TBXAS1: variants seen among roughly 807,000 people sequenced by gnomAD.
TBXAS1 encodes the protein thromboxane A synthase 1.
A neutral mutation model predicts 60.7 loss-of-function variants in TBXAS1; 48 were observed. The observed-to-expected ratio is 0.79, with a 90% CI of 0.63 to 1.01. TBXAS1 has a LOEUF of 1.01. Among genes scored for constraint, TBXAS1 ranks in the 50% least tolerant of loss-of-function variants. TBXAS1 has a pLI of 0.00. For synonymous variants in TBXAS1, 287 were observed against 269.7 expected, an observed-to-expected ratio of 1.06 and a Z score of -0.63; for missense variants, 685 against 686.3, an observed-to-expected ratio of 1.00 and a Z score of 0.02.
chr7:139,804,727 C>T (rs959460423), intron 4 of TBXAS1, among the ~76,000 whole-genome samples: 3 of 152,242 alleles, frequency 2.0e-5, no homozygotes, highest in East Asian at 1.9e-4. Context: ...ACGGCAGTTC[C>T]CCTACATATA....
intron 8 of TBXAS1, among the ~76,000 whole-genome samples, chr7:139,961,343 T>C (rs1810319861): frequency 6.6e-6 from 1 of 152,214 alleles, no homozygotes; most frequent in East Asian, 1.9e-4. Flanking sequence ...GTACAGCACA[T>C]GCTTGGTTTT....
chr7:139,867,901 G>T (rs923011369), intron 1 of TBXAS1, among the ~76,000 whole-genome samples: 26 of 152,088 alleles, frequency 1.7e-4, no homozygotes, highest in Non-Finnish European at 3.4e-4. Context: ...AAATTTTCCA[G>T]CCTTTACAAA....
intron 1 of TBXAS1, among the ~76,000 whole-genome samples, chr7:139,837,502 G>A (rs978123190): frequency 3.3e-5 from 5 of 152,190 alleles, no homozygotes; most frequent in African/African-American, 1.2e-4. Flanking sequence ...CGACTTAACA[G>A]CATTTGCAGT....
chr7:139,957,552 T>C (rs1809963907), intron 7 of TBXAS1, 82 bp from the exon 8 acceptor site: 1 of 1,600,768 alleles, frequency 6.2e-7, no homozygotes, highest in African/African-American at 1.3e-5. Flanking sequence ...AGGCCCGCGT[T>C]TGCTTCCCGG....
At chr7:139,932,376 A>G (rs1807405941) in intron 4 of TBXAS1, among the ~76,000 whole-genome samples, 2 of 152,088 alleles carry the variant, frequency 1.3e-5, no homozygotes, top group African/African-American at 4.8e-5. Flanking sequence ...CAGGATTTCT[A>G]AGAAGTGGAA....
At chr7:139,809,187 TAGG>T in intron 4 of TBXAS1, among the ~76,000 whole-genome samples, 1 of 143,994 alleles carries the variant, frequency 6.9e-6, no homozygotes, top group African/African-American at 2.7e-5. Flanking sequence ...ATAGAACCAA[TAGG>T]AGATAGATGA....
intron 9 of TBXAS1, among the ~76,000 whole-genome samples, chr7:139,988,230 T>C (rs549134332): frequency 1.3e-5 from 2 of 152,370 alleles, no homozygotes; most frequent in African/African-American, 2.4e-5. Flanking sequence ...CCAGCTTTTC[T>C]TGAAGACAAC....
rs374729467 is a variant in TBXAS1 at position 139,829,465 on chromosome 7, G to A, written c.75G>A (p.Leu25=). 1.4e-4 allele frequency: 230 copies of A among 1,613,752 alleles called. 1 individual carries two copies. The South Asian group carries it at 2.3e-3, about 16-fold the overall frequency. ...CGGTGGCCCTGTCAGTGGCTCTCTTGGCCCTCCTGAAATGGTAAGTGCAGC... is the reference window on the plus strand; with the variant it reads ...CGGTGGCCCTGTCAGTGGCTCTCTTAGCCCTCCTGAAATGGTAAGTGCAGC... ...MVTVALSVAL[L]ALLKWYSTSA... The change falls in exon 1 of 13, where the codon TTG becomes TTA. Residue 25 remains leucine, a synonymous_variant. Transcript: ENST00000448866.
intron 9 of TBXAS1, among the ~76,000 whole-genome samples, chr7:139,987,500 T>C (rs1390138259): frequency 6.6e-6 from 1 of 152,188 alleles, no homozygotes; most frequent in African/African-American, 2.4e-5. Context: ...AACTGCATTT[T>C]ACTCTTTCCA....
At chr7:140,019,909 T>G in intron 12 of TBXAS1, 116 bp from the exon 13 acceptor site, 1 of 977,536 alleles carries the variant, frequency 1.0e-6, no homozygotes, top group Non-Finnish European at 1.6e-6. Flanking sequence ...TGCTCTCTGC[T>G]TTCTTCTTGT....
chr7:139,907,005 C>G (rs1050056844), intron 3 of TBXAS1, among the ~76,000 whole-genome samples: 2 of 152,012 alleles, frequency 1.3e-5, no homozygotes, highest in African/African-American at 4.8e-5. Context: ...TTATTTATTC[C>G]TTTTCAGTCT....
chr7:139,962,346 A>G (rs1810440361), intron 9 of TBXAS1, 113 bp downstream of exon 9: 4 of 1,283,326 alleles, frequency 3.1e-6, no homozygotes, highest in Admixed American at 3.9e-5. Flanking sequence ...TTCTAAGCTT[A>G]TAAGATGAAA....
chr7:139,880,996 G>T (rs980683354), intron 3 of TBXAS1, among the ~76,000 whole-genome samples: 2 of 152,026 alleles, frequency 1.3e-5, no homozygotes, highest in African/African-American at 4.8e-5. Context: ...CCATTTGATG[G>T]TATATTGCTG....
At chr7:139,937,573 A>G (rs1807889327) in intron 5 of TBXAS1, among the ~76,000 whole-genome samples, 1 of 152,082 alleles carries the variant, frequency 6.6e-6, no homozygotes, top group African/African-American at 2.4e-5. Flanking sequence ...ACCTGCTCAC[A>G]CTCACACAGC....
intron 3 of TBXAS1, among the ~76,000 whole-genome samples, chr7:139,888,822 G>A (rs115969949): frequency 0.013 from 1,970 of 152,240 alleles, 38 homozygotes; most frequent in African/African-American, 0.043. Context: ...AACCTTGGCA[G>A]TGGCAGATGA....
chr7:139,986,722 CAT>C (rs1430609067), intron 9 of TBXAS1, among the ~76,000 whole-genome samples: 10 of 66,058 alleles, frequency 1.5e-4, no homozygotes, highest in Admixed American at 1.9e-4. Flanking sequence ...AGTATTCCAT[CAT>C]ATATATATAT....
At chr7:139,869,544 C>A (rs1193525039) in intron 1 of TBXAS1, among the ~76,000 whole-genome samples, 2 of 152,078 alleles carry the variant, frequency 1.3e-5, no homozygotes, top group South Asian at 2.1e-4. Flanking sequence ...TGCAACACTA[C>A]CCCTGGCTAT....
intron 9 of TBXAS1, among the ~76,000 whole-genome samples, chr7:139,993,892 C>CTTTTTTTTTTTTTTTTTT (rs71170931): frequency 9.0e-6 from 1 of 111,708 alleles, no homozygotes; most frequent in Non-Finnish European, 1.7e-5. Flanking sequence ...TTCTTTCTTT[C>CTTTTTTTTTTTTTTTTTT]TTTTTTTTTT....
chr7:139,793,247 T>G (rs1465376038), intron 4 of TBXAS1, among the ~76,000 whole-genome samples: 2 of 152,000 alleles, frequency 1.3e-5, no homozygotes, highest in African/African-American at 4.8e-5. Flanking sequence ...TGAAACCTTG[T>G]CTCTACTAAA....
Sources: allele counts gnomAD v4.1 joint callset (sites outside exome capture counted in the v4.1 genomes callset), GRCh38; gene constraint gnomAD v4.1.1; transcripts MANE v1.5; gene names NCBI Gene and HGNC (gene_info 2026-07-23, HGNC 2026-07-21).